KREMEN1: variants seen among roughly 807,000 people sequenced by gnomAD.
KREMEN1 encodes the protein kringle containing transmembrane protein 1, also known as kremen protein 1.
Under a neutral mutation model 46.5 loss-of-function variants are expected in KREMEN1, and 30 were observed. The ratio of observed to expected loss-of-function variants is 0.65; its 90% CI spans 0.48 to 0.88. The LOEUF (loss-of-function observed/expected upper bound fraction) is 0.88. KREMEN1 is among the 40% of genes least tolerant of loss of function. The probability of loss-of-function intolerance (pLI) is 0.00; values close to 1 mark genes in which losing one functional copy is unlikely to be tolerated. For synonymous variants in KREMEN1, 214 were observed against 230.6 expected (o/e 0.93, Z 0.65); for missense variants, 533 against 596.9 (o/e 0.89, Z 1.11).
chr22:29,110,962 A>G (rs1380995186), intron 3 of KREMEN1, among the ~76,000 whole-genome samples: 1 of 152,104 alleles, frequency 6.6e-6, no homozygotes, highest in Non-Finnish European at 1.5e-5. Flanking sequence ...CTTTCCATGG[A>G]GGGGAGAAAT....
chr22:29,113,886 T>G (rs182813502), intron 3 of KREMEN1, among the ~76,000 whole-genome samples: 31 of 152,296 alleles, frequency 2.0e-4, no homozygotes, highest in Admixed American at 1.2e-3. Flanking sequence ...GCTCCACACT[T>G]TTGTTCTAAG....
chr22:29,117,195 A>G (rs2038253838), intron 3 of KREMEN1, among the ~76,000 whole-genome samples: 1 of 152,088 alleles, frequency 6.6e-6, no homozygotes, highest in Non-Finnish European at 1.5e-5. Flanking sequence ...ATATATTTTT[A>G]TATGCCCAAA....
intron 3 of KREMEN1, among the ~76,000 whole-genome samples, chr22:29,113,727 C>T (rs1376105371): frequency 7.9e-5 from 12 of 152,120 alleles, no homozygotes; most frequent in Admixed American, 7.9e-4. Flanking sequence ...GGTGGTGGCA[C>T]CAGTGCCCTT....
At position 29,073,190 on chromosome 22, in the gene KREMEN1, C is replaced by A; in HGVS notation, c.60C>A (p.Ala20=). ...CCGCCGCGGCGCTCACGCTGGCGGC[C>A]CGGCCCGCGCCTAGCCCCGGCCTCG... ...LLSAAALTLA[A]RPAPSPGLGP... is the part of the protein sequence containing the mutation. Residue 20 remains alanine, a synonymous_variant, in exon 1 of 9, where the codon GCC becomes GCA. Coordinates refer to ENST00000400335, the MANE Select transcript of KREMEN1 (RefSeq NM_001039570.3). This position sits in a 1 kb window ranked among gnomAD's most constrained non-coding sequence, Gnocchi z 4.4. 8.4e-7 allele frequency: 1 copy of A among 1,191,084 alleles called. No individual in the cohort carries two copies. The allele number at this position is 1,191,084 out of a possible 1,614,324, so 73.8% of individuals were successfully genotyped here.
At chr22:29,149,318 A>G (rs185668455), downstream of KREMEN1, among the ~76,000 whole-genome samples, 4 of 152,142 alleles carry the variant, frequency 2.6e-5, no homozygotes, top group Non-Finnish European at 5.9e-5. Flanking sequence ...ACGTGCCACC[A>G]TGCCCAGCTA....
At chr22:29,140,103 C>T (rs9625720) in intron 7 of KREMEN1, among the ~76,000 whole-genome samples, 179 bp from the exon 8 acceptor site, 3,768 of 152,290 alleles carry the variant, frequency 0.025, 155 homozygotes, top group African/African-American at 0.086. Context: ...TTCAGAACAC[C>T]TGGGGCCCCA....
chr22:29,131,953 AC>A (rs1164627333), intron 5 of KREMEN1, among the ~76,000 whole-genome samples: 1 of 131,420 alleles, frequency 7.6e-6, no homozygotes, highest in Admixed American at 9.4e-5. Context: ...GCTCACAGCA[AC>A]CTCCGCCTCC....
chr22:29,159,509 C>T (rs1026048010), intron 9 of KREMEN1, among the ~76,000 whole-genome samples: 6 of 152,052 alleles, frequency 3.9e-5, no homozygotes, highest in Non-Finnish European at 8.8e-5. Flanking sequence ...ATCCCAGCTA[C>T]TCAGGAGGCT....
At chr22:29,150,505 T>A (rs955998014), downstream of KREMEN1, among the ~76,000 whole-genome samples, 1 of 152,196 alleles carries the variant, frequency 6.6e-6, no homozygotes, top group African/African-American at 2.4e-5. Context: ...AAGCTGCAGA[T>A]CCCATTTATT....
In KREMEN1 at chr22:29,143,549, T is replaced by C; in HGVS notation, c.*1437T>C. ...CGAGGTCAGGTGATCGAAACCATCC[T>C]GGCTAAGATGGTGAAACCCCGTCTC... is the stretch of plus-strand genomic sequence containing the variant. On this transcript the variant is annotated 3_prime_UTR_variant, in exon 9 of 9. Coordinates refer to ENST00000400335, the MANE Select transcript of KREMEN1 (RefSeq NM_001039570.3). 3.6e-6 allele frequency: 3 copies of C among 825,538 alleles called. No homozygotes were observed. The highest frequency in any genetic ancestry group is 4.4e-6 in the Non-Finnish European group (3 of 684,400). 51.1% of individuals were successfully genotyped at this position (825,538 alleles called of 1,614,324 possible).
chr22:29,131,843 G>T, intron 5 of KREMEN1, among the ~76,000 whole-genome samples: 2 of 136,646 alleles, frequency 1.5e-5, no homozygotes, highest in African/African-American at 2.7e-5. Flanking sequence ...TTTGTCTCTG[G>T]CTTCTTTCAC....
At chr22:29,160,843 A>G (rs1415469195) in intron 9 of KREMEN1, among the ~76,000 whole-genome samples, 1 of 152,212 alleles carries the variant, frequency 6.6e-6, no homozygotes, top group Non-Finnish European at 1.5e-5. Flanking sequence ...AAGCTAACCC[A>G]GAAGATAGCA....
chr22:29,124,779 C>T (rs1168178010), intron 4 of KREMEN1, among the ~76,000 whole-genome samples: 1 of 152,146 alleles, frequency 6.6e-6, no homozygotes, highest in Non-Finnish European at 1.5e-5. Flanking sequence ...AGACGTAAGC[C>T]ACCATGCCCG....
Position 29,145,266 on chromosome 22 carries a change from TG to T in KREMEN1, c.*3156del, listed in dbSNP as rs2038838673. 3.0e-6 allele frequency: 3 copies of T among 985,278 alleles called. No individual in the cohort carries two copies. Among genetic ancestry groups the T allele is most frequent in the South Asian group, 9.4e-5 (2 of 21,284 alleles). The allele number at this position is 985,278 out of a possible 1,614,324, so 61.0% of individuals were successfully genotyped here. A position where few individuals can be genotyped will look rare whatever the true frequency, so the allele number is the denominator to read the frequency against. On this transcript the variant is annotated 3_prime_UTR_variant, in exon 9 of 9. Coordinates refer to ENST00000400335, the MANE Select transcript of KREMEN1 (RefSeq NM_001039570.3). ...GATGAGATAAAGTGGGGGTTGGAGG[TG>T]GCGAAAAGAGGGTAACCCTGGGAAA...
chr22:29,143,654 A>G lies in KREMEN1; in HGVS notation c.*1542A>G, dbSNP rs1182625415. ...CTGCTCGGGAGGCTGAGGCAGGAGA[A>G]TGGCGTGAACCCGGGAGGCGGAGCT... On this transcript the variant is annotated 3_prime_UTR_variant, in exon 9 of 9. Coordinates refer to ENST00000400335, the MANE Select transcript of KREMEN1 (RefSeq NM_001039570.3). The G allele has an allele frequency of 8.0e-6, 6 of 750,942 alleles. No homozygotes were observed. The East Asian group carries it at 7.9e-4, about 99-fold the overall frequency. 46.5% of individuals were successfully genotyped at this position (750,942 alleles called of 1,614,324 possible).
At position 29,121,519 on chromosome 22, in the gene KREMEN1, A is replaced by G. The variant is rs770380672; in HGVS notation, c.477+38A>G. ...TGGCTGTGTAACTATAGAAAAATAT[A>G]AAGATGTAAATGCATTTTGCTGAGA... is the stretch of plus-strand genomic sequence containing the variant. On this transcript the variant is annotated intron_variant, in intron 4 of 8. Coordinates refer to ENST00000400335, the MANE Select transcript of KREMEN1 (RefSeq NM_001039570.3). The G allele has an allele frequency of 6.2e-6, 10 of 1,604,842 alleles. No homozygotes were observed. The African/African-American group carries it at 6.7e-5, about 11-fold the overall frequency.
chr22:29,145,705 G>A lies in KREMEN1; in HGVS notation c.*3593G>A, dbSNP rs143865196. On this transcript the variant is annotated 3_prime_UTR_variant, in exon 9 of 9. Transcript: ENST00000400335. The stretch of plus-strand genomic sequence containing the variant: ...GGAGTGAACCCGAGTGACTTCACCC[G>A]CCCTGTCCCCCACGTCAGGACAGGC... 1,345 of 985,494 alleles carry A rather than the reference G, an allele frequency of 1.4e-3. 18 individuals are homozygous for A. In the Admixed American group the frequency reaches 0.031, roughly 23 times the overall value. The allele number at this position is 985,494 out of a possible 1,614,324, so 61.0% of individuals were successfully genotyped here. A position where few individuals can be genotyped will look rare whatever the true frequency, so the allele number is the denominator to read the frequency against.
rs578209427 is a variant in KREMEN1 at position 29,122,451 on chromosome 22, C to T, written c.477+970C>T. On this transcript the variant is annotated intron_variant, in intron 4 of 8. Coordinates refer to ENST00000400335, the MANE Select transcript of KREMEN1 (RefSeq NM_001039570.3). ...CATACCTTAAAACTCAGCAATATCACGCCTGGATAGTTACCCAAGATAAAT... is the reference window on the plus strand; with the variant it reads ...CATACCTTAAAACTCAGCAATATCATGCCTGGATAGTTACCCAAGATAAAT... Among the ~76,000 whole-genome samples the T allele has an allele frequency of 7.9e-5, 12 of 152,268 alleles. No individual in the cohort carries two copies. In the South Asian group the frequency reaches 2.5e-3, roughly 32 times the overall value.
chr22:29,125,064 GA>G (rs1601793633), intron 4 of KREMEN1, 198 bp from the exon 5 acceptor site: 1 of 592,266 alleles, frequency 1.7e-6, no homozygotes, highest in East Asian at 2.7e-5. Context: ...CGCCGACAGG[GA>G]AACACATTGG....
Sources: allele counts gnomAD v4.1 joint callset (sites outside exome capture counted in the v4.1 genomes callset), GRCh38; gene constraint gnomAD v4.1.1; non-coding constraint Gnocchi (gnomAD v3.1); transcripts MANE v1.5; gene names NCBI Gene and HGNC (gene_info 2026-07-23, HGNC 2026-07-21).